TRHDE: variants seen among roughly 807,000 people sequenced by gnomAD.
TRHDE encodes thyrotropin releasing hormone degrading enzyme.
Under a neutral mutation model 125.7 loss-of-function variants are expected in TRHDE, and 72 were observed. The ratio of observed to expected loss-of-function variants is 0.57; its 90% CI spans 0.47 to 0.70. The LOEUF (loss-of-function observed/expected upper bound fraction) is 0.70, where lower values mean the gene tolerates loss of function less well. Among genes scored for constraint, TRHDE ranks in the 30% least tolerant of loss-of-function variants. The pLI is 0.00. For missense variants in TRHDE, 1,110 were observed against 1,327.1 expected (o/e 0.84, Z 2.54); for synonymous variants, 509 against 509.1 (o/e 1.00, Z 0.00).
intron 2 of TRHDE, among the ~76,000 whole-genome samples, chr12:72,377,609 A>T (rs893543591): frequency 2.0e-5 from 3 of 152,022 alleles, no homozygotes; most frequent in African/African-American, 7.2e-5. Flanking sequence ...CAAACCATGA[A>T]TTTTTTCTCC....
At chr12:72,091,526 C>A (rs1419970155) in intron 1 of TRHDE, among the ~76,000 whole-genome samples, 1 of 152,056 alleles carries the variant, frequency 6.6e-6, no homozygotes, top group African/African-American at 2.4e-5. Flanking sequence ...TGCCTAGTAC[C>A]CATTTTATCC....
At chr12:72,276,748 C>T (rs913903886) in intron 1 of TRHDE, among the ~76,000 whole-genome samples, 2 of 152,144 alleles carry the variant, frequency 1.3e-5, no homozygotes, top group African/African-American at 2.4e-5. Context: ...AGTTGTTGAA[C>T]ATTGAAAATA....
At chr12:72,304,643 A>C (rs953397809) in intron 2 of TRHDE, among the ~76,000 whole-genome samples, 1 of 152,206 alleles carries the variant, frequency 6.6e-6, no homozygotes, top group Non-Finnish European at 1.5e-5. Context: ...GTCTTAAAGC[A>C]ATGTCTGTCT....
Position 72,470,845 on chromosome 12 carries a change from G to A in TRHDE, c.1470+933G>A, listed in dbSNP as rs116722765. 7.4e-3 allele frequency among the ~76,000 whole-genome samples: 1,001 copies of A among 135,220 alleles called. 9 individuals carry two copies. The highest frequency in any genetic ancestry group is 0.026 in the African/African-American group (961 of 36,922). The allele number at this position is 135,220 out of a possible 152,430, so 88.7% of individuals were successfully genotyped here. On this transcript the variant is annotated intron_variant, in intron 4 of 18. Transcript: ENST00000261180. ...ATGAAGTGATCCGGGTCAGACGACC[G>A]TTCTATGTAAATGTCAGCTTTTTTT...
At chr12:72,511,884 T>C (rs1286551339) in intron 6 of TRHDE, among the ~76,000 whole-genome samples, 1 of 152,306 alleles carries the variant, frequency 6.6e-6, no homozygotes, top group African/African-American at 2.4e-5. Flanking sequence ...TTAATAAAAA[T>C]AGGTAGCAGG....
intron 9 of TRHDE, among the ~76,000 whole-genome samples, chr12:72,563,507 T>G (rs1009323556): frequency 6.6e-6 from 1 of 152,196 alleles, no homozygotes; most frequent in African/African-American, 2.4e-5. Context: ...TAAAATGATC[T>G]AATGATTAAT....
At chr12:72,402,502 C>T (rs1057282440) in intron 3 of TRHDE, among the ~76,000 whole-genome samples, 4 of 152,118 alleles carry the variant, frequency 2.6e-5, no homozygotes, top group Non-Finnish European at 5.9e-5. Context: ...TTAGTGGCAT[C>T]CTTCCTGTGC....
At chr12:72,195,234 C>A (rs1877418042) in intron 2 of TRHDE, among the ~76,000 whole-genome samples, 1 of 152,094 alleles carries the variant, frequency 6.6e-6, no homozygotes. Flanking sequence ...ATGGGAACTA[C>A]AATTTAAGAT....
intron 2 of TRHDE, among the ~76,000 whole-genome samples, chr12:72,294,388 G>A (rs530173104): frequency 5.3e-5 from 8 of 152,122 alleles, no homozygotes; most frequent in South Asian, 2.1e-4. Flanking sequence ...GCGGTGGGGC[G>A]GACAGCTCCT....
chr12:72,298,413 G>A (rs1386685906), intron 2 of TRHDE, among the ~76,000 whole-genome samples: 1 of 152,150 alleles, frequency 6.6e-6, no homozygotes, highest in Non-Finnish European at 1.5e-5. Flanking sequence ...CTAGAGTAAA[G>A]TAATGGCATA....
At chr12:72,425,130 C>T (rs1375763530) in intron 3 of TRHDE, among the ~76,000 whole-genome samples, 1 of 152,016 alleles carries the variant, frequency 6.6e-6, no homozygotes, top group Non-Finnish European at 1.5e-5. Flanking sequence ...ATTGCATATG[C>T]ATTTTGTTGT....
At chr12:72,229,908 G>A (rs1246791000) in intron 2 of TRHDE, among the ~76,000 whole-genome samples, 1 of 152,122 alleles carries the variant, frequency 6.6e-6, no homozygotes, top group Admixed American at 6.5e-5. Flanking sequence ...CCATGTTACA[G>A]GTCAGAATGG....
intron 3 of TRHDE, among the ~76,000 whole-genome samples, chr12:72,397,264 A>T (rs1022932620): frequency 3.3e-5 from 5 of 152,074 alleles, no homozygotes; most frequent in Non-Finnish European, 4.4e-5. Flanking sequence ...AAATAATCTC[A>T]TGTTTTACTA....
chr12:72,542,236 T>A, intron 6 of TRHDE, 55 bp from the exon 7 acceptor site: 1 of 1,389,178 alleles, frequency 7.2e-7, no homozygotes. Context: ...TAAAACAACT[T>A]TACAATCATG....
At chr12:72,643,326 T>C (rs556208824) in intron 15 of TRHDE, among the ~76,000 whole-genome samples, 1 of 152,338 alleles carries the variant, frequency 6.6e-6, no homozygotes, top group Admixed American at 6.5e-5. Context: ...TAAATATATG[T>C]GTGTTTCATT....
At chr12:72,288,524 G>A (rs895557336) in intron 2 of TRHDE, among the ~76,000 whole-genome samples, 1 of 152,104 alleles carries the variant, frequency 6.6e-6, no homozygotes, top group Non-Finnish European at 1.5e-5. Flanking sequence ...GTTCATTGAT[G>A]TCTTCTATGG....
chr12:72,660,591 C>T (rs1874878919), intron 18 of TRHDE, among the ~76,000 whole-genome samples: 3 of 152,064 alleles, frequency 2.0e-5, no homozygotes, highest in Admixed American at 6.6e-5. Flanking sequence ...CTATACTCGC[C>T]GGTTATTCCT....
At chr12:72,583,923 C>CTTTTTTTTTTTTTTTTTTTTTT (rs1190363456) in intron 12 of TRHDE, among the ~76,000 whole-genome samples, 1 of 60,486 alleles carries the variant, frequency 1.7e-5, no homozygotes, top group African/African-American at 1.3e-4. Flanking sequence ...GGATGACAAA[C>CTTTTTTTTTTTTTTTTTTTTTT]TTTTTTTTTT....
intron 10 of TRHDE, 72 bp from the exon 11 acceptor site, chr12:72,575,183 C>T (rs1592547412): frequency 4.9e-6 from 7 of 1,425,548 alleles, no homozygotes; most frequent in Non-Finnish European, 5.8e-6. Context: ...TTATATCTGG[C>T]GTTAAGAAAA....
Sources: allele counts gnomAD v4.1 joint callset (sites outside exome capture counted in the v4.1 genomes callset), GRCh38; gene constraint gnomAD v4.1.1; transcripts MANE v1.5; gene names NCBI Gene and HGNC (gene_info 2026-07-23, HGNC 2026-07-21).